Variants in CCDC85C observed in about 807,000 individuals in gnomAD.
CCDC85C encodes coiled-coil domain containing 85C, also known as coiled-coil domain-containing protein 85C.
A neutral mutation model predicts 38.3 loss-of-function variants in CCDC85C; 18 were observed. That is an observed-to-expected ratio of 0.47 (90% CI 0.33 to 0.70). The LOEUF is 0.70. Ranked by LOEUF, CCDC85C falls within the 30% of genes least tolerant of loss-of-function variation. The pLI is 0.03. For synonymous variants in CCDC85C, 264 were observed against 293.8 expected, an observed-to-expected ratio of 0.90 and a Z score of 1.04; for missense variants, 566 against 621.2, an observed-to-expected ratio of 0.91 and a Z score of 0.94.
intron 1 of CCDC85C, among the ~76,000 whole-genome samples, chr14:99,575,504 C>T (rs543378614): frequency 6.4e-4 from 97 of 152,364 alleles, no homozygotes; most frequent in African/African-American, 2.3e-3. Flanking sequence ...CTCAAAGCAC[C>T]ACAAAAATGC....
At chr14:99,539,284 A>G (rs563576111) in intron 1 of CCDC85C, among the ~76,000 whole-genome samples, 2 of 152,202 alleles carry the variant, frequency 1.3e-5, no homozygotes, top group African/African-American at 4.8e-5. Context: ...CAGCCTGACC[A>G]ACATGGTGAA....
intron 1 of CCDC85C, among the ~76,000 whole-genome samples, chr14:99,573,159 G>A (rs368529656): frequency 2.0e-4 from 30 of 152,296 alleles, no homozygotes; most frequent in South Asian, 4.1e-4. Context: ...CCGGTGCCTC[G>A]GAGTCCCCGC....
rs762944480 is a variant in CCDC85C, at chr14:99,510,130, G to C, written c.*5116C>G. 2.5e-6 allele frequency: 4 copies of C among 1,578,450 alleles called. No homozygotes were observed. In the East Asian group the frequency reaches 9.1e-5, roughly 36 times the overall value. ...AAAGCAACCATTGCTGGCGGAGGCC[G>C]GGCACTGATGCGTCTCTCTCCTGCA... On this transcript the variant is annotated 3_prime_UTR_variant, in exon 6 of 6. Transcript: ENST00000380243.
intron 5 of CCDC85C, among the ~76,000 whole-genome samples, chr14:99,515,732 G>A (rs1174378624): frequency 8.5e-5 from 13 of 152,084 alleles, no homozygotes; most frequent in Admixed American, 2.6e-4. Context: ...CAGCTGGGTC[G>A]AGCACGGAGC....
In CCDC85C at chr14:99,510,446, A is replaced by C. The variant is rs780139204; in HGVS notation, c.*4800T>G. Reference sequence around the variant, plus strand: ...TGCCCCCCGCCTACGGCCCACCTGCACACCTGCCCTACCACCCCCATGTCT... The same window carrying C: ...TGCCCCCCGCCTACGGCCCACCTGCCCACCTGCCCTACCACCCCCATGTCT... On this transcript the variant is annotated 3_prime_UTR_variant, in exon 6 of 6. Coordinates refer to ENST00000380243, the MANE Select transcript of CCDC85C (RefSeq NM_001144995.2). 70 of 1,516,726 alleles carry C rather than the reference A, an allele frequency of 4.6e-5. No individual in the cohort carries two copies. The highest frequency in any genetic ancestry group is 5.3e-5 in the Non-Finnish European group (60 of 1,133,874). 94.0% of individuals were successfully genotyped at this position (1,516,726 alleles called of 1,614,324 possible). A position where few individuals can be genotyped will look rare whatever the true frequency, so the allele number is the denominator to read the frequency against.
intron 1 of CCDC85C, among the ~76,000 whole-genome samples, chr14:99,539,589 G>T (rs990570034): frequency 2.0e-5 from 3 of 151,976 alleles, no homozygotes; most frequent in Admixed American, 6.6e-5. Flanking sequence ...TCATTAAAAT[G>T]ATGTTTAGAA....
intron 1 of CCDC85C, among the ~76,000 whole-genome samples, chr14:99,590,059 A>G (rs1417121449): frequency 6.6e-6 from 1 of 152,212 alleles, no homozygotes; most frequent in African/African-American, 2.4e-5. Flanking sequence ...TTCACAGCAG[A>G]TCATGTTGCC....
chr14:99,567,652 C>T (rs2139957509), intron 1 of CCDC85C, among the ~76,000 whole-genome samples: 1 of 152,270 alleles, frequency 6.6e-6, no homozygotes, highest in Middle Eastern at 3.4e-3. Flanking sequence ...TGGTGAAACC[C>T]CGTTTCCACT....
At chr14:99,586,990 G>T (rs967761527) in intron 1 of CCDC85C, among the ~76,000 whole-genome samples, 3 of 152,214 alleles carry the variant, frequency 2.0e-5, no homozygotes, top group African/African-American at 4.8e-5. Flanking sequence ...GCTCCTGGGG[G>T]TGACAGTGGG....
chr14:99,541,886 A>G (rs1897720290), intron 1 of CCDC85C, among the ~76,000 whole-genome samples: 2 of 152,162 alleles, frequency 1.3e-5, no homozygotes. Context: ...ACACATGGTG[A>G]CACACAGAGC....
chr14:99,526,940 C>T (rs1329682538), intron 2 of CCDC85C, among the ~76,000 whole-genome samples: 2 of 146,224 alleles, frequency 1.4e-5, no homozygotes, highest in Admixed American at 6.8e-5. Flanking sequence ...CTCCACTGTC[C>T]GGCCCCAAAC....
intron 1 of CCDC85C, among the ~76,000 whole-genome samples, chr14:99,591,610 C>T (rs2055087823): frequency 6.6e-6 from 1 of 152,156 alleles, no homozygotes; most frequent in Non-Finnish European, 1.5e-5. Context: ...TTCTGCACAG[C>T]AAGTGGTCCT....
At chr14:99,582,152 A>C (rs1181876314) in intron 1 of CCDC85C, among the ~76,000 whole-genome samples, 3 of 152,124 alleles carry the variant, frequency 2.0e-5, no homozygotes, top group African/African-American at 4.8e-5. Context: ...TGTGTTTCCA[A>C]GGCTGTCCTC....
chr14:99,533,831 C>G lies in CCDC85C; in HGVS notation c.867+2184G>C, dbSNP rs758117648. Among the ~76,000 whole-genome samples the G allele has an allele frequency of 7.9e-5, 12 of 152,186 alleles. No individual in the cohort carries two copies. The highest frequency in any genetic ancestry group is 1.2e-4 in the Non-Finnish European group (8 of 68,030). Reference sequence around the variant, plus strand: ...TGGACACAGGTTATGGTGGAGGGCCCCCTGTGAGACCGGGGGGCACCCCAG... The same window carrying G: ...TGGACACAGGTTATGGTGGAGGGCCGCCTGTGAGACCGGGGGGCACCCCAG... On this transcript the variant is annotated intron_variant, in intron 2 of 5. Transcript: ENST00000380243. This position sits in a 1 kb window ranked among gnomAD's most constrained non-coding sequence, Gnocchi z 4.2.
chr14:99,577,942 G>GTA (rs922867058), intron 1 of CCDC85C, among the ~76,000 whole-genome samples: 1 of 138,982 alleles, frequency 7.2e-6, no homozygotes, highest in Admixed American at 7.2e-5. Context: ...GTGTGTGTGT[G>GTA]TACACATCTC....
At position 99,503,438 on chromosome 14, in the gene CCDC85C, G is replaced by C; in HGVS notation, c.*11808C>G. On this transcript the variant is annotated 3_prime_UTR_variant, in exon 6 of 6. Transcript: ENST00000380243. ...ATGGAAAGAGGAAGGGAGCAGAAAT[G>C]ATGATCTGGTAGGTGCCGTGGTTTG... 1 of 614,546 alleles carries C rather than the reference G, an allele frequency of 1.6e-6. No homozygotes were observed. Among genetic ancestry groups the C allele is most frequent in the Non-Finnish European group, 2.9e-6 (1 of 343,784 alleles). The allele number at this position is 614,546 out of a possible 1,614,324, so 38.1% of individuals were successfully genotyped here. A position where few individuals can be genotyped will look rare whatever the true frequency, so the allele number is the denominator to read the frequency against.
At chr14:99,579,439 C>T (rs1165147556) in intron 1 of CCDC85C, among the ~76,000 whole-genome samples, 1 of 152,208 alleles carries the variant, frequency 6.6e-6, no homozygotes, top group Non-Finnish European at 1.5e-5. Flanking sequence ...GTGGGACCTA[C>T]AGGGGAGCTG....
chr14:99,546,067 G>C (rs542253628), intron 1 of CCDC85C, among the ~76,000 whole-genome samples: 3 of 151,096 alleles, frequency 2.0e-5, no homozygotes, highest in South Asian at 2.1e-4. Context: ...TGGGGGGGGG[G>C]AATAAACAAC....
chr14:99,503,675 T>G lies in CCDC85C; in HGVS notation c.*11571A>C. 6.5e-7 allele frequency: 1 copy of G among 1,531,412 alleles called. No individual in the cohort carries two copies. Among genetic ancestry groups the G allele is most frequent in the Non-Finnish European group, 8.8e-7 (1 of 1,130,672 alleles). 94.9% of individuals were successfully genotyped at this position (1,531,412 alleles called of 1,614,324 possible). On this transcript the variant is annotated 3_prime_UTR_variant, in exon 6 of 6. Transcript: ENST00000380243. ...TTCCTGTTCTGATGTTTTTTTAGTTTTATGTGTTTATATGCAAAACTTTAA... is the reference window on the plus strand; with the variant it reads ...TTCCTGTTCTGATGTTTTTTTAGTTGTATGTGTTTATATGCAAAACTTTAA...
Sources: allele counts gnomAD v4.1 joint callset (sites outside exome capture counted in the v4.1 genomes callset), GRCh38; gene constraint gnomAD v4.1.1; non-coding constraint Gnocchi (gnomAD v3.1); transcripts MANE v1.5; gene names NCBI Gene and HGNC (gene_info 2026-07-23, HGNC 2026-07-21).